The following SGCE variants were observed in gnomAD, a reference collection of about 807,000 sequenced individuals.
The protein encoded by SGCE is sarcoglycan epsilon.
A neutral mutation model predicts 57.8 loss-of-function variants in SGCE; 26 were observed. That is an observed-to-expected ratio of 0.45 (90% CI 0.33 to 0.62). The LOEUF is 0.62. Ranked by LOEUF, SGCE falls within the 20% of genes least tolerant of loss-of-function variation. The pLI is 0.02. For synonymous variants in SGCE, 183 were observed against 189.5 expected, an observed-to-expected ratio of 0.97 and a Z score of 0.28; for missense variants, 468 against 548.6, an observed-to-expected ratio of 0.85 and a Z score of 1.47.
intron 8 of SGCE, chr7:94,599,358 T>C: frequency 3.2e-6 from 1 of 314,942 alleles, no homozygotes; most frequent in Non-Finnish European, 5.8e-6. Context: ...GTTATTACTG[T>C]AGATTCTGGA....
intron 5 of SGCE, among the ~76,000 whole-genome samples, chr7:94,612,110 C>T (rs1021754322): frequency 3.9e-5 from 6 of 151,962 alleles, no homozygotes; most frequent in South Asian, 2.1e-4. Context: ...TTGTAAGGAC[C>T]GAGATTAAAT....
chr7:94,599,237 A>C (rs139549172), intron 8 of SGCE: 1 of 325,494 alleles, frequency 3.1e-6, no homozygotes, highest in East Asian at 5.8e-5. Flanking sequence ...TAAGTAACCA[A>C]CTAGTTTTCT....
intron 10 of SGCE, chr7:94,587,619 C>T (rs1275914493): frequency 2.6e-5 from 36 of 1,399,364 alleles, no homozygotes; most frequent in Non-Finnish European, 3.2e-5. Context: ...CTTCATCAAT[C>T]TCCTGAATGC....
intron 1 of SGCE, chr7:94,644,549 T>C: frequency 1.4e-6 from 1 of 700,260 alleles, no homozygotes; most frequent in Non-Finnish European, 2.2e-6. Context: ...CAGACATCAC[T>C]GTCCAAGTAA....
In SGCE at chr7:94,614,110, A is replaced by AG. The variant is rs1470032407; in HGVS notation, c.662+4647_662+4648insC. Among the ~76,000 whole-genome samples, 3 of 148,216 alleles carry AG rather than the reference A, an allele frequency of 2.0e-5. No homozygotes were observed. The East Asian group carries it at 5.8e-4, about 29-fold the overall frequency. ...TTTCTTGTACCCAAATTGAAATCAA[A>AG]AAAAAAAAAAAAAAAAAAAACACAG... On this transcript the variant is annotated intron_variant, in intron 5 of 10. Coordinates refer to ENST00000648936, the MANE Select transcript of SGCE (RefSeq NM_003919.3).
chr7:94,640,085 A>T (rs565745843), intron 1 of SGCE, among the ~76,000 whole-genome samples: 6 of 152,306 alleles, frequency 3.9e-5, no homozygotes, highest in African/African-American at 1.4e-4. Flanking sequence ...ATAAAAGGAG[A>T]ATCAAAGACG....
chr7:94,641,623 G>A (rs1806388566), intron 1 of SGCE, among the ~76,000 whole-genome samples: 1 of 152,058 alleles, frequency 6.6e-6, no homozygotes, highest in Non-Finnish European at 1.5e-5. Flanking sequence ...AACAGTTAGT[G>A]GAGTATAGCA....
intron 3 of SGCE, chr7:94,626,314 A>G (rs1803708566): frequency 6.6e-6 from 1 of 152,068 alleles, no homozygotes; most frequent in Non-Finnish European, 1.5e-5. Flanking sequence ...TTCTCTTAAA[A>G]ATATTTAGGT....
intron 5 of SGCE, among the ~76,000 whole-genome samples, chr7:94,613,650 G>T (rs932367066): frequency 1.3e-5 from 2 of 152,020 alleles, no homozygotes; most frequent in African/African-American, 4.8e-5. Flanking sequence ...AACAAGTAAT[G>T]GTAAACAATT....
At chr7:94,586,403 A>G (rs1343952960) in intron 10 of SGCE, 2 of 152,204 alleles carry the variant, frequency 1.3e-5, no homozygotes, top group Admixed American at 1.3e-4. Context: ...TGAGAAATAA[A>G]CTTTTTCATT....
intron 1 of SGCE, among the ~76,000 whole-genome samples, chr7:94,632,622 C>G (rs928876636): frequency 6.6e-6 from 1 of 152,082 alleles, no homozygotes; most frequent in Non-Finnish European, 1.5e-5. Flanking sequence ...GACTAAGCCA[C>G]TATGTTTTGT....
intron 10 of SGCE, chr7:94,587,034 T>C (rs983518925): frequency 4.2e-5 from 41 of 984,342 alleles, no homozygotes; most frequent in Admixed American, 6.2e-5. Context: ...TAGTGTTAAC[T>C]AAAAAGGAGA....
rs142795446 is a variant in SGCE at position 94,654,480 on chromosome 7, G to A, written c.109+1510C>T. On this transcript the variant is annotated intron_variant, in intron 1 of 10. Transcript: ENST00000648936. The stretch of plus-strand genomic sequence containing the variant: ...ACTCTACCAAGCATAAGAAATCCTG[G>A]AATTATTCTATCTTGCAGAAGAGGG... Among the ~76,000 whole-genome samples the A allele has an allele frequency of 1.8e-4, 28 of 152,238 alleles. No individual in the cohort carries two copies. In the East Asian group the frequency reaches 5.2e-3, roughly 28 times the overall value.
intron 9 of SGCE, among the ~76,000 whole-genome samples, chr7:94,591,612 G>A (rs904498891): frequency 1.5e-5 from 2 of 134,738 alleles, no homozygotes; most frequent in African/African-American, 5.0e-5. Flanking sequence ...TTTGGATGAG[G>A]TAGTTGGATG....
intron 5 of SGCE, among the ~76,000 whole-genome samples, chr7:94,615,987 C>T (rs1038389043): frequency 2.0e-5 from 3 of 152,202 alleles, no homozygotes; most frequent in Non-Finnish European, 2.9e-5. Context: ...GAAAATGAAT[C>T]TTTTCAGAGG....
intron 4 of SGCE, 162 bp from the exon 5 acceptor site, chr7:94,619,118 C>A: frequency 3.2e-6 from 2 of 634,016 alleles, no homozygotes. Context: ...GAGGATGTAT[C>A]TAAAAACATA....
At position 94,623,356 on chromosome 7, in the gene SGCE, A is replaced by T; in HGVS notation, c.432T>A (p.His144Gln). 1 of 1,605,496 alleles carries T rather than the reference A, an allele frequency of 6.2e-7. No homozygotes were observed. The highest frequency in any genetic ancestry group is 1.3e-5 in the African/African-American group (1 of 74,860). ...CAGACATTATATTAATTATCAAATT[A>T]TGCCTTGCAGTCTCAAAGGTGCGCC... ...YNRRTFETAR[H>Q]NLIINIMSAE... is the part of the protein sequence containing the mutation. The change falls in exon 4 of 11, where the codon CAT (histidine) becomes CAA (glutamine). Residue 144 changes from histidine to glutamine, a missense_variant. Physicochemically the swap from His to Gln is conservative, Grantham distance 24 (BLOSUM62 0). Coordinates refer to ENST00000648936, the MANE Select transcript of SGCE (RefSeq NM_003919.3).
intron 1 of SGCE, among the ~76,000 whole-genome samples, chr7:94,631,373 A>T (rs1209591388): frequency 1.3e-5 from 2 of 151,910 alleles, no homozygotes; most frequent in African/African-American, 4.8e-5. Context: ...AAGATGAAAG[A>T]GACCCTGCCA....
At chr7:94,595,512 T>C (rs535565300) in intron 9 of SGCE, among the ~76,000 whole-genome samples, 2 of 152,192 alleles carry the variant, frequency 1.3e-5, no homozygotes, top group East Asian at 3.9e-4. Flanking sequence ...CATGCCCTTA[T>C]AGGAAGGGTA....
Sources: gnomAD v4.1 joint callset for allele counts (sites outside exome capture counted in the v4.1 genomes callset) on GRCh38, gnomAD v4.1.1 for gene constraint, MANE v1.5 for transcripts, NCBI Gene and HGNC (gene_info 2026-07-23, HGNC 2026-07-21) for gene names.